The following ADCY5 variants were observed in gnomAD, a reference collection of about 807,000 sequenced individuals.
The protein encoded by ADCY5 is adenylate cyclase type 5.
ADCY5 carries 30 observed loss-of-function variants against 119.7 expected under a neutral mutation model. The ratio of observed to expected loss-of-function variants is 0.25; its 90% CI spans 0.19 to 0.34. The LOEUF is 0.34. ADCY5 is among the 10% of genes least tolerant of loss of function. The pLI is 1.00. For synonymous variants in ADCY5, 753 were observed against 762.2 expected (o/e 0.99, Z 0.20); for missense variants, 1,324 against 1,775.2 (o/e 0.75, Z 4.57).
At chr3:123,419,967 T>C (rs541307276) in intron 1 of ADCY5, among the ~76,000 whole-genome samples, 3 of 151,924 alleles carry the variant, frequency 2.0e-5, no homozygotes, top group Non-Finnish European at 4.4e-5. Flanking sequence ...ATGAGCTCCC[T>C]GTGGGTGAAG....
chr3:123,308,554 G>A lies in ADCY5; in HGVS notation c.2443-4371C>T, dbSNP rs191984278. On this transcript the variant is annotated intron_variant, in intron 12 of 20. Transcript: ENST00000462833. ...TTTGGATCTTAAAACTCTTGGCCAC[G>A]CGCAGTGGCTCATGCCTGTAATCCC... Among the ~76,000 whole-genome samples the A allele has an allele frequency of 2.7e-3, 418 of 152,086 alleles. 4 individuals carry two copies. Among genetic ancestry groups the A allele is most frequent in the African/African-American group, 8.8e-3 (364 of 41,494 alleles).
intron 17 of ADCY5, among the ~76,000 whole-genome samples, chr3:123,295,270 G>A (rs1043900388): frequency 4.6e-5 from 7 of 152,238 alleles, no homozygotes; most frequent in Admixed American, 2.6e-4. Flanking sequence ...TGGGTGAGCT[G>A]AAGTGGTCTA....
At position 123,286,697 on chromosome 3, in the gene ADCY5, G is replaced by A. The variant is rs377309404; in HGVS notation, c.3645C>T (p.Pro1215=). 5.0e-5 allele frequency: 80 copies of A among 1,611,608 alleles called. No individual in the cohort carries two copies. The highest frequency in any genetic ancestry group is 1.6e-4 in the Middle Eastern group (1 of 6,068). The change falls in exon 20 of 21, where the codon CCC becomes CCT. Residue 1215 remains proline, a synonymous_variant. Coordinates refer to ENST00000462833, the MANE Select transcript of ADCY5 (RefSeq NM_183357.3). This position sits in a 1 kb window ranked among gnomAD's most constrained non-coding sequence, Gnocchi z 4.2. ...VASRMDSTGV[P]DRIQVTTDMY... ...CTCCTGCACTCACCTGGATGCGGTC[G>A]GGTACACCGGTGCTGTCCATGCGGC...
chr3:123,448,317 C>G lies in ADCY5; in HGVS notation c.229G>C (p.Asp77His). 6.5e-7 allele frequency: 1 copy of G among 1,537,884 alleles called. No individual in the cohort carries two copies. ...CCGCTCAGCGGAGGATCGTCGTCGT[C>G]GTCGCTGCGCCAGCGGCTGGCCAGG... ...QRLASRWRSD[D>H]DDDPPLSGDD... The change falls in exon 1 of 21, where the codon GAC becomes CAC. Residue 77 changes from aspartate (D) to histidine (H), a missense_variant. By Grantham distance (81) the Asp-to-His change is moderately conservative (BLOSUM62 -1). Coordinates refer to ENST00000462833, the MANE Select transcript of ADCY5 (RefSeq NM_183357.3).
At chr3:123,367,951 C>T (rs891691460) in intron 1 of ADCY5, 5 of 1,535,752 alleles carry the variant, frequency 3.3e-6, no homozygotes, top group Admixed American at 3.9e-5. Flanking sequence ...TTCCGTGGGA[C>T]AGGCCTGGGC....
In ADCY5 at chr3:123,352,697, T is replaced by G; in HGVS notation, c.1135-116A>C. On this transcript the variant is annotated intron_variant, in intron 1 of 20. Coordinates refer to ENST00000462833, the MANE Select transcript of ADCY5 (RefSeq NM_183357.3). This position sits in a 1 kb window ranked among gnomAD's most constrained non-coding sequence, Gnocchi z 4.8. The stretch of plus-strand genomic sequence containing the variant: ...ACACCTGGCGCTAGCAAACAAATGC[T>G]GAGGGCACCCCACACGCGGCCAACC... The G allele has an allele frequency of 7.9e-7, 1 of 1,270,316 alleles. No individual in the cohort carries two copies. Among genetic ancestry groups the G allele is most frequent in the Admixed American group, 2.5e-5 (1 of 40,402 alleles). 78.7% of individuals were successfully genotyped at this position (1,270,316 alleles called of 1,614,324 possible). A position where few individuals can be genotyped will look rare whatever the true frequency, so the allele number is the denominator to read the frequency against.
chr3:123,285,678 T>C (rs1938698477), intron 20 of ADCY5, among the ~76,000 whole-genome samples: 2 of 152,338 alleles, frequency 1.3e-5, no homozygotes, highest in East Asian at 1.9e-4. Context: ...TGGGTCATTA[T>C]GGTGGCTGCT....
intron 3 of ADCY5, among the ~76,000 whole-genome samples, chr3:123,342,264 G>A (rs923913227): frequency 4.6e-5 from 7 of 152,128 alleles, no homozygotes; most frequent in African/African-American, 1.7e-4. Flanking sequence ...GGACATTGTC[G>A]CGTGGTCATT....
intron 8 of ADCY5, among the ~76,000 whole-genome samples, chr3:123,322,097 G>C (rs1478171809): frequency 6.6e-6 from 1 of 152,162 alleles, no homozygotes; most frequent in Admixed American, 6.5e-5. Context: ...CTCTCCCTCT[G>C]GGGGGCAGGC....
chr3:123,373,778 C>A (rs1436017933), intron 1 of ADCY5, among the ~76,000 whole-genome samples: 1 of 137,272 alleles, frequency 7.3e-6, no homozygotes, highest in Non-Finnish European at 1.6e-5. Context: ...CCCCGACCCC[C>A]CCGCAGGTAG....
intron 1 of ADCY5, among the ~76,000 whole-genome samples, chr3:123,377,122 C>T (rs750923350): frequency 7.9e-5 from 12 of 152,234 alleles, no homozygotes; most frequent in Non-Finnish European, 1.6e-4. Context: ...CTCCACACAG[C>T]AGCCACGATG....
intron 11 of ADCY5, among the ~76,000 whole-genome samples, chr3:123,316,096 AAAAAT>A (rs2108325575): frequency 6.6e-6 from 1 of 152,310 alleles, no homozygotes; most frequent in Admixed American, 6.5e-5. Flanking sequence ...TAATGCCATT[AAAAAT>A]AAAATACATT....
chr3:123,447,813 G>C lies in ADCY5; in HGVS notation c.733C>G (p.Leu245Val), dbSNP rs1244284234. 3.7e-6 allele frequency: 6 copies of C among 1,612,722 alleles called. No individual in the cohort carries two copies. Among genetic ancestry groups the C allele is most frequent in the African/African-American group, 2.7e-5 (2 of 74,928 alleles). The stretch of plus-strand genomic sequence containing the variant: ...CACACGAGCACCAGCACGGCCATGA[G>C]CATGGTGAGGCTGCTCTGGTTCAGG... ...FRLNQSSLTM[L>V]MAVLVLVCLV... Residue 245 changes from leucine to valine, a missense_variant, in exon 1 of 21, where the codon CTC becomes GTC. Around this residue, in one of 6 missense-constraint regions of ADCY5, gnomAD observed 585 missense variants for 569.9 expected, o/e 1.03. Transcript: ENST00000462833.
intron 7 of ADCY5, among the ~76,000 whole-genome samples, chr3:123,326,711 G>A (rs939333389): frequency 1.3e-4 from 20 of 152,222 alleles, no homozygotes; most frequent in Admixed American, 3.3e-4. Context: ...TGCCTGTGGA[G>A]GGTCTGACAC....
chr3:123,360,581 T>C lies in ADCY5; in HGVS notation c.1135-8000A>G, dbSNP rs143545173. On this transcript the variant is annotated intron_variant, in intron 1 of 20. Coordinates refer to ENST00000462833, the MANE Select transcript of ADCY5 (RefSeq NM_183357.3). ...CATTAATGCCCTCTAAGTCTTATCA[T>C]AGACCACATTCCCTGTCTCACACCT... Among the ~76,000 whole-genome samples, 72 of 152,296 alleles carry C rather than the reference T, an allele frequency of 4.7e-4. 1 individual carries two copies. The highest frequency in any genetic ancestry group is 1.5e-3 in the African/African-American group (61 of 41,580).
intron 1 of ADCY5, among the ~76,000 whole-genome samples, chr3:123,371,558 C>T (rs1420436225): frequency 6.6e-6 from 1 of 152,182 alleles, no homozygotes; most frequent in Non-Finnish European, 1.5e-5. Flanking sequence ...GGAAGTGGCA[C>T]GCGGCCGGAC....
chr3:123,366,490 T>C (rs6794803), intron 1 of ADCY5, among the ~76,000 whole-genome samples: 61,947 of 151,990 alleles, frequency 0.41, 13,341 homozygotes, highest in Non-Finnish European at 0.47. Context: ...TGAGATGTGG[T>C]GACAGAAAAG....
chr3:123,310,373 C>T (rs1281307644), intron 12 of ADCY5, among the ~76,000 whole-genome samples: 2 of 152,062 alleles, frequency 1.3e-5, no homozygotes, highest in Non-Finnish European at 2.9e-5. Flanking sequence ...TCCAGGGAGT[C>T]CAGTGGAACA....
At chr3:123,433,514 T>C (rs1055374846) in intron 1 of ADCY5, among the ~76,000 whole-genome samples, 1 of 152,208 alleles carries the variant, frequency 6.6e-6, no homozygotes, top group Non-Finnish European at 1.5e-5. Flanking sequence ...ACGAGTTTCA[T>C]TTTCCTTTAG....
Sources: gnomAD v4.1 joint callset for allele counts (sites outside exome capture counted in the v4.1 genomes callset) on GRCh38, gnomAD v4.1.1 for gene constraint, gnomAD v4.1.1 regional missense constraint, Gnocchi (gnomAD v3.1) non-coding constraint, MANE v1.5 for transcripts, NCBI Gene and HGNC (gene_info 2026-07-23, HGNC 2026-07-21) for gene names.